The following SPMIP10 variants were observed in gnomAD, a reference collection of about 807,000 sequenced individuals.
The protein encoded by SPMIP10 is sperm microtubule inner protein 10, also known as sperm-associated microtubule inner protein 10.
At chr5:126,632,511 C>T in the SPMIP10 span, 16 of 1,186,154 alleles carry the variant, frequency 1.3e-5, no homozygotes, top group African/African-American at 4.6e-5. Flanking sequence ...TTGTATTTGG[C>T]TCACAAGATG....
At chr5:126,633,778 C>T in the SPMIP10 span, among the ~76,000 whole-genome samples, 4 of 152,130 alleles carry the variant, frequency 2.6e-5, no homozygotes, top group African/African-American at 9.7e-5. Flanking sequence ...ATCCTCCCAC[C>T]TCAGCCTCCT....
At chr5:126,634,057 G>A in the SPMIP10 span, among the ~76,000 whole-genome samples, 9,781 of 152,234 alleles carry the variant, frequency 0.064, 346 homozygotes, top group South Asian at 0.11. Flanking sequence ...ATTAAACATA[G>A]AATTACCATA....
the SPMIP10 span, chr5:126,636,036 C>T: frequency 6.2e-7 from 1 of 1,611,948 alleles, no homozygotes. Flanking sequence ...TCTTAGCAAG[C>T]AGAAGTGTGT....
chr5:126,634,376 G>A, the SPMIP10 span, among the ~76,000 whole-genome samples: 3 of 152,110 alleles, frequency 2.0e-5, no homozygotes, highest in African/African-American at 7.2e-5. Flanking sequence ...ACTGCAGCAA[G>A]CCAGATCACG....
chr5:126,632,674 C>CT, the SPMIP10 span: 1 of 1,425,932 alleles, frequency 7.0e-7, no homozygotes, highest in African/African-American at 1.4e-5. Flanking sequence ...CATAAGCACA[C>CT]ATAAGGAAAA....
the SPMIP10 span, among the ~76,000 whole-genome samples, chr5:126,633,016 T>TAA: frequency 4.1e-5 from 6 of 144,876 alleles, no homozygotes; most frequent in African/African-American, 1.6e-4. Flanking sequence ...TACATATATA[T>TAA]ATATATATAT....
At chr5:126,632,702 A>C in the SPMIP10 span, 3 of 1,088,414 alleles carry the variant, frequency 2.8e-6, no homozygotes, top group Non-Finnish European at 4.2e-6. Context: ...AAACAAAAAC[A>C]TTAAGCCGGA....
chr5:126,632,258 TAAAAA>T, the SPMIP10 span, among the ~76,000 whole-genome samples: 37 of 57,188 alleles, frequency 6.5e-4, no homozygotes, highest in South Asian at 2.9e-3. Context: ...TCCATCTCAT[TAAAAA>T]AAAAAAAAAA....
At chr5:126,634,400 G>T in the SPMIP10 span, among the ~76,000 whole-genome samples, 1 of 152,182 alleles carries the variant, frequency 6.6e-6, no homozygotes, top group Non-Finnish European at 1.5e-5. Context: ...CTGCACTCCA[G>T]CCTGGGCAAC....
the SPMIP10 span, chr5:126,636,215 C>A: frequency 1.2e-6 from 2 of 1,614,060 alleles, no homozygotes; most frequent in Admixed American, 3.3e-5. Flanking sequence ...TGTGATTTCC[C>A]ATGGCTTCAG....
the SPMIP10 span, among the ~76,000 whole-genome samples, chr5:126,633,151 C>T: frequency 0.071 from 10,674 of 151,058 alleles, 416 homozygotes; most frequent in Middle Eastern, 0.17. Context: ...AATTATATAC[C>T]GAAGAATTTC....
At chr5:126,633,897 G>A in the SPMIP10 span, among the ~76,000 whole-genome samples, 4 of 151,906 alleles carry the variant, frequency 2.6e-5, no homozygotes, top group African/African-American at 7.3e-5. Context: ...GGGCCCAAGC[G>A]ATTCTCCTGC....
chr5:126,632,258 T>TAA, the SPMIP10 span, among the ~76,000 whole-genome samples: 697 of 57,156 alleles, frequency 0.012, 32 homozygotes, highest in Non-Finnish European at 0.017. Context: ...TCCATCTCAT[T>TAA]AAAAAAAAAA....
chr5:126,633,932 T>A, the SPMIP10 span, among the ~76,000 whole-genome samples: 5 of 152,110 alleles, frequency 3.3e-5, no homozygotes, highest in African/African-American at 1.2e-4. Context: ...GTGCTAGGAT[T>A]ACAGGCATGA....
At chr5:126,631,770 T>G in the SPMIP10 span, 2 of 1,612,748 alleles carry the variant, frequency 1.2e-6, no homozygotes, top group Middle Eastern at 1.7e-4. Flanking sequence ...CTACTTTGCC[T>G]AAACTCACTA....
chr5:126,631,719 T>C, the SPMIP10 span: 2 of 1,529,050 alleles, frequency 1.3e-6, no homozygotes, highest in South Asian at 2.2e-5. Context: ...GAGTATTCCA[T>C]CCATTGCTGT....
the SPMIP10 span, chr5:126,632,683 A>AAAAAAC: frequency 6.2e-5 from 85 of 1,360,406 alleles, no homozygotes; most frequent in Admixed American, 1.2e-4. Flanking sequence ...ACATAAGGAA[A>AAAAAAC]AAAAACAAAA....
the SPMIP10 span, among the ~76,000 whole-genome samples, chr5:126,632,946 C>T: frequency 6.7e-6 from 1 of 149,410 alleles, no homozygotes; most frequent in African/African-American, 2.5e-5. Context: ...AAGATTGCGC[C>T]ACTGCAATCT....
chr5:126,635,171 A>AATATATATATATATAT, the SPMIP10 span, among the ~76,000 whole-genome samples: 795 of 140,086 alleles, frequency 5.7e-3, 7 homozygotes, highest in East Asian at 0.027. Flanking sequence ...CCGTCTGTGA[A>AATATATATATATATAT]ATATATATAT....
Sources: allele counts gnomAD v4.1 joint callset (sites outside exome capture counted in the v4.1 genomes callset), GRCh38; gene constraint gnomAD v4.1.1; transcripts MANE v1.5; gene names NCBI Gene and HGNC (gene_info 2026-07-23, HGNC 2026-07-21).